Variants in ERGIC1 observed in about 807,000 individuals in gnomAD.
The protein encoded by ERGIC1 is endoplasmic reticulum-golgi intermediate compartment 1.
ERGIC1 carries 19 observed loss-of-function variants against 38.3 expected under a neutral mutation model. The ratio of observed to expected loss-of-function variants is 0.50; its 90% CI spans 0.35 to 0.73. The LOEUF (loss-of-function observed/expected upper bound fraction) is 0.73, where lower values mean the gene tolerates loss of function less well. Ranked by LOEUF, ERGIC1 falls within the 30% of genes least tolerant of loss-of-function variation. The pLI, the probability that ERGIC1 is intolerant of heterozygous loss-of-function variation, is 0.01. For synonymous variants in ERGIC1, 124 were observed against 157.6 expected, an observed-to-expected ratio of 0.79 and a Z score of 1.60; for missense variants, 294 against 389.2, an observed-to-expected ratio of 0.76 and a Z score of 2.06.
At chr5:172,886,873 C>T (rs1035893661) in intron 1 of ERGIC1, among the ~76,000 whole-genome samples, 3 of 152,112 alleles carry the variant, frequency 2.0e-5, no homozygotes, top group Admixed American at 6.6e-5. Context: ...AGTGTTAAAG[C>T]GGCCCCCACT....
At chr5:172,920,608 G>A (rs1254966959) in intron 5 of ERGIC1, 1 of 601,858 alleles carries the variant, frequency 1.7e-6, no homozygotes, top group African/African-American at 1.9e-5. Context: ...AGCATGTGCT[G>A]GCATGAGTCA....
chr5:172,897,179 A>G, intron 3 of ERGIC1, 105 bp downstream of exon 3: 1 of 1,112,514 alleles, frequency 9.0e-7, no homozygotes, highest in Non-Finnish European at 1.3e-6. Flanking sequence ...CTGTAATCCC[A>G]ACACTTTGGG....
chr5:172,919,063 C>T (rs887115128), intron 5 of ERGIC1, among the ~76,000 whole-genome samples: 16 of 152,180 alleles, frequency 1.1e-4, no homozygotes, highest in African/African-American at 2.4e-4. Flanking sequence ...CTGTGCTTGG[C>T]GCTGGGCTGC....
At chr5:172,909,269 G>A (rs548646039) in intron 3 of ERGIC1, among the ~76,000 whole-genome samples, 4 of 145,992 alleles carry the variant, frequency 2.7e-5, no homozygotes, top group Non-Finnish European at 4.5e-5. Flanking sequence ...TCCTGGGTTC[G>A]TGATTTTCAG....
At chr5:172,848,441 T>TC (rs1761330781) in intron 1 of ERGIC1, among the ~76,000 whole-genome samples, 3 of 152,150 alleles carry the variant, frequency 2.0e-5, no homozygotes, top group Non-Finnish European at 2.9e-5. Context: ...AAAAAGATCT[T>TC]CCCAGACTGC....
chr5:172,834,380 G>C lies in ERGIC1; in HGVS notation c.-34G>C. The C allele has an allele frequency of 7.7e-7, 1 of 1,305,890 alleles. No individual in the cohort carries two copies. Among genetic ancestry groups the C allele is most frequent in the Non-Finnish European group, 9.7e-7 (1 of 1,025,804 alleles). 80.9% of individuals were successfully genotyped at this position (1,305,890 alleles called of 1,614,324 possible). ...ACCCACGCGGCGCCGCGGCCCGCCT[G>C]GCCTGCAGCGCTCCCACCCCCGGCG... On this transcript the variant is annotated 5_prime_UTR_variant, in exon 1 of 10. Transcript: ENST00000393784. The surrounding 1 kb of genome is among the most constrained non-coding windows in gnomAD (Gnocchi z 4.1).
chr5:172,908,306 C>CAGG (rs1561729549), intron 3 of ERGIC1, among the ~76,000 whole-genome samples: 1 of 14,906 alleles, frequency 6.7e-5, no homozygotes, highest in African/African-American at 4.7e-4. Context: ...GAGGCGGGGG[C>CAGG]GGGGGGGGGG....
chr5:172,921,041 G>T (rs1763501375), intron 5 of ERGIC1, among the ~76,000 whole-genome samples: 1 of 152,206 alleles, frequency 6.6e-6, no homozygotes, highest in Non-Finnish European at 1.5e-5. Flanking sequence ...GGCCCTTCTT[G>T]GTTGGCTCCG....
intron 1 of ERGIC1, among the ~76,000 whole-genome samples, chr5:172,849,951 T>C (rs1238985152): frequency 3.3e-5 from 5 of 152,232 alleles, no homozygotes; most frequent in African/African-American, 1.2e-4. Context: ...TCTTCTTCTG[T>C]TCTTACCCAT....
chr5:172,894,096 AT>A (rs896577878), intron 2 of ERGIC1, among the ~76,000 whole-genome samples: 4 of 68,064 alleles, frequency 5.9e-5, no homozygotes, highest in East Asian at 4.4e-4. Flanking sequence ...TCTTTAAAAA[AT>A]TTTTTTTTCT....
chr5:172,867,679 C>T (rs1342262821), intron 1 of ERGIC1: 1 of 286,434 alleles, frequency 3.5e-6, no homozygotes, highest in African/African-American at 2.2e-5. Context: ...CAGAGGGGCT[C>T]TCAATCCTGG....
intron 4 of ERGIC1, among the ~76,000 whole-genome samples, chr5:172,914,234 CAAAAAAAA>C (rs35584191): frequency 0.34 from 34,550 of 102,184 alleles, 4,654 homozygotes; most frequent in South Asian, 0.43. Flanking sequence ...GACTCTGTCT[CAAAAAAAA>C]AAAAAAAAAA....
At position 172,926,856 on chromosome 5, in the gene ERGIC1, C is replaced by T. The variant is rs1045714912; in HGVS notation, c.541+287C>T. 2.3e-6 allele frequency: 1 copy of T among 439,602 alleles called. No homozygotes were observed. The highest frequency in any genetic ancestry group is 2.7e-5 in the South Asian group (1 of 37,202). The allele number at this position is 439,602 out of a possible 1,614,324, so 27.2% of individuals were successfully genotyped here. On this transcript the variant is annotated intron_variant, in intron 7 of 9. Transcript: ENST00000393784. This position sits in a 1 kb window ranked among gnomAD's most constrained non-coding sequence, Gnocchi z 5.2. ...ATTGTTGCTCTCATCACAGCCACAT[C>T]ATCATCCTTAGTTGAACTAATTACC...
Position 172,909,667 on chromosome 5 carries a change from T to C in ERGIC1, c.156T>C (p.Val52=). The C allele has an allele frequency of 6.2e-7, 1 of 1,614,134 alleles. No homozygotes were observed. Among genetic ancestry groups the C allele is most frequent in the Admixed American group, 1.7e-5 (1 of 60,016 alleles). ...SELTGFITTE[V]VNELYVDDPD... ...GTTCCTATACTTGTCTTTCCCCTAG[T>C]GTGAACGAGCTCTATGTCGATGACC... The change falls in exon 4 of 10, where the codon GTT becomes GTC. Residue 52 remains valine (V), a splice_region_variant and synonymous_variant. Coordinates refer to ENST00000393784, the MANE Select transcript of ERGIC1 (RefSeq NM_001031711.3).
intron 7 of ERGIC1, among the ~76,000 whole-genome samples, chr5:172,931,875 T>TTTA (rs1400827637): frequency 1.3e-5 from 2 of 149,168 alleles, no homozygotes; most frequent in Non-Finnish European, 3.0e-5. Context: ...TTTTTTTTTT[T>TTTA]TGAGACAGAG....
intron 5 of ERGIC1, among the ~76,000 whole-genome samples, chr5:172,921,218 C>G (rs967720618): frequency 5.9e-5 from 9 of 152,228 alleles, no homozygotes; most frequent in Admixed American, 5.2e-4. Flanking sequence ...GGCTCCCCAG[C>G]TAGGAAGTGG....
chr5:172,873,742 G>C (rs1762075134), intron 1 of ERGIC1, among the ~76,000 whole-genome samples: 1 of 152,202 alleles, frequency 6.6e-6, no homozygotes, highest in Non-Finnish European at 1.5e-5. Context: ...CTGAGCCTCA[G>C]TTTCTGCATT....
intron 6 of ERGIC1, among the ~76,000 whole-genome samples, chr5:172,925,554 G>A (rs1763632437): frequency 6.6e-6 from 1 of 152,162 alleles, no homozygotes; most frequent in Admixed American, 6.5e-5. Context: ...GCTGCCCACT[G>A]CTCCTGGAGT....
intron 1 of ERGIC1, among the ~76,000 whole-genome samples, chr5:172,862,752 C>A (rs1236145966): frequency 1.3e-5 from 2 of 152,214 alleles, no homozygotes. Context: ...ACATCTACTC[C>A]TACTGTTATA....
Sources: allele counts gnomAD v4.1 joint callset (sites outside exome capture counted in the v4.1 genomes callset), GRCh38; gene constraint gnomAD v4.1.1; non-coding constraint Gnocchi (gnomAD v3.1); transcripts MANE v1.5; gene names NCBI Gene and HGNC (gene_info 2026-07-23, HGNC 2026-07-21).